Variants in UNC5B observed in about 807,000 individuals in gnomAD.
UNC5B encodes the protein netrin receptor UNC5B.
In UNC5B, 56 loss-of-function variants were observed where a neutral mutation model predicts 103.7. That is an observed-to-expected ratio of 0.54 (90% CI 0.44 to 0.67). The LOEUF (loss-of-function observed/expected upper bound fraction) is 0.67. Among genes scored for constraint, UNC5B ranks in the 30% least tolerant of loss-of-function variants. UNC5B has a pLI of 0.00. For missense variants in UNC5B, 1,194 were observed against 1,284.5 expected, an observed-to-expected ratio of 0.93 and a Z score of 1.08; for synonymous variants, 577 against 542.0, an observed-to-expected ratio of 1.06 and a Z score of -0.90.
At chr10:71,267,642 T>C (rs931332216) in intron 1 of UNC5B, among the ~76,000 whole-genome samples, 2 of 152,154 alleles carry the variant, frequency 1.3e-5, no homozygotes, top group African/African-American at 4.8e-5. Context: ...ACAGGCATGG[T>C]CAAGAGGAGG....
At chr10:71,226,975 C>G (rs1180656300) in intron 1 of UNC5B, among the ~76,000 whole-genome samples, 2 of 143,570 alleles carry the variant, frequency 1.4e-5, no homozygotes, top group African/African-American at 5.1e-5. Context: ...GAGTTGGAGA[C>G]CATTCTTCTT....
At chr10:71,273,397 C>T (rs1291140524) in intron 1 of UNC5B, among the ~76,000 whole-genome samples, 1 of 152,170 alleles carries the variant, frequency 6.6e-6, no homozygotes, top group African/African-American at 2.4e-5. Flanking sequence ...AGCCTGGGCC[C>T]AGGCTCAGAG....
chr10:71,259,445 C>A (rs1482930844), intron 1 of UNC5B, among the ~76,000 whole-genome samples: 1 of 152,028 alleles, frequency 6.6e-6, no homozygotes, highest in African/African-American at 2.4e-5. Flanking sequence ...ACTTGGGCAG[C>A]CCTTCATAGT....
intron 1 of UNC5B, among the ~76,000 whole-genome samples, chr10:71,278,961 C>T (rs1289785143): frequency 2.6e-5 from 4 of 152,240 alleles, no homozygotes. Flanking sequence ...TGGCGGTGGC[C>T]ACACCCCCCT....
At position 71,212,741 on chromosome 10, in the gene UNC5B, C is replaced by T. The variant is rs1485311438; in HGVS notation, c.-245C>T. The stretch of plus-strand genomic sequence containing the variant: ...GGAGCCAGGCGAGCGCTCAGAGACC[C>T]GGAGCCAGAGGGGCGCGCCGGAGCC... On this transcript the variant is annotated 5_prime_UTR_variant, in exon 1 of 17. Transcript: ENST00000335350. 1.5e-5 allele frequency: 5 copies of T among 341,604 alleles called. No individual in the cohort carries two copies. Among genetic ancestry groups the T allele is most frequent in the African/African-American group, 2.1e-5 (1 of 46,528 alleles). 21.2% of individuals were successfully genotyped at this position (341,604 alleles called of 1,614,324 possible). A position where few individuals can be genotyped will look rare whatever the true frequency, so the allele number is the denominator to read the frequency against.
chr10:71,267,874 A>G (rs1368384242), intron 1 of UNC5B, among the ~76,000 whole-genome samples: 1 of 152,224 alleles, frequency 6.6e-6, no homozygotes, highest in African/African-American at 2.4e-5. Flanking sequence ...AGAGGCAAAC[A>G]CAGGAACCAT....
At chr10:71,229,079 G>A (rs1251808431) in intron 1 of UNC5B, among the ~76,000 whole-genome samples, 1 of 152,176 alleles carries the variant, frequency 6.6e-6, no homozygotes, top group Non-Finnish European at 1.5e-5. Flanking sequence ...TGAGGGAATC[G>A]AACTTGGAGC....
intron 1 of UNC5B, among the ~76,000 whole-genome samples, chr10:71,214,941 G>C (rs575095732): frequency 4.6e-5 from 7 of 152,344 alleles, no homozygotes; most frequent in African/African-American, 1.7e-4. Flanking sequence ...CAGAAGCGGT[G>C]TTGGAATTGT....
chr10:71,227,375 G>T (rs1045951400), intron 1 of UNC5B, among the ~76,000 whole-genome samples: 1 of 151,842 alleles, frequency 6.6e-6, no homozygotes, highest in Non-Finnish European at 1.5e-5. Context: ...CTATGAGGAT[G>T]CAAAAGCATA....
At chr10:71,258,731 C>T (rs1040806331) in intron 1 of UNC5B, among the ~76,000 whole-genome samples, 1 of 152,252 alleles carries the variant, frequency 6.6e-6, no homozygotes, top group African/African-American at 2.4e-5. Context: ...GTGAGCTTGG[C>T]CAAGCTGGCA....
chr10:71,286,971 A>C, intron 5 of UNC5B, 102 bp downstream of exon 5: 1 of 1,456,382 alleles, frequency 6.9e-7, no homozygotes, highest in Non-Finnish European at 9.2e-7. Context: ...GATGCAGCCC[A>C]GAGAGGGGAA....
Position 71,213,012 on chromosome 10 carries a change from C to A in UNC5B, c.27C>A (p.Gly9=). The stretch of plus-strand genomic sequence containing the variant: ...TGGGGGCCCGGAGCGGAGCTCGGGG[C>A]GCGCTGCTGCTGGCACTGCTGCTCT... MGARSGAR[G]ALLLALLLCW... is the part of the protein sequence containing the mutation. Residue 9 remains glycine (G), a synonymous_variant, in exon 1 of 17, where the codon GGC becomes GGA. Transcript: ENST00000335350. The surrounding 1 kb of genome is among the most constrained non-coding windows in gnomAD (Gnocchi z 4.1). The A allele has an allele frequency of 7.1e-7, 1 of 1,413,940 alleles. No individual in the cohort carries two copies. The highest frequency in any genetic ancestry group is 2.5e-5 in the Admixed American group (1 of 40,116). The allele number at this position is 1,413,940 out of a possible 1,614,324, so 87.6% of individuals were successfully genotyped here. A position where few individuals can be genotyped will look rare whatever the true frequency, so the allele number is the denominator to read the frequency against.
intron 1 of UNC5B, among the ~76,000 whole-genome samples, chr10:71,266,428 C>T (rs1844524551): frequency 6.6e-6 from 1 of 152,234 alleles, no homozygotes; most frequent in Non-Finnish European, 1.5e-5. Context: ...CTCTGCTGCT[C>T]ACTCAGAGGA....
chr10:71,286,663 C>T (rs1564509465), intron 4 of UNC5B, 26 bp from the exon 5 acceptor site: 1 of 1,613,022 alleles, frequency 6.2e-7, no homozygotes, highest in South Asian at 1.1e-5. Flanking sequence ...TGGGCCCTCA[C>T]TGCCCCCTCA....
chr10:71,235,009 C>G (rs1403594654), intron 1 of UNC5B, among the ~76,000 whole-genome samples: 1 of 152,174 alleles, frequency 6.6e-6, no homozygotes, highest in Admixed American at 6.5e-5. Context: ...CTTCCCACCC[C>G]CAGCGCCCAG....
In UNC5B at chr10:71,299,292, C is replaced by T. The variant is rs540604985; in HGVS notation, c.*15C>T. 54 of 1,612,956 alleles carry T rather than the reference C, an allele frequency of 3.3e-5. No individual in the cohort carries two copies. The highest frequency in any genetic ancestry group is 5.5e-5 in the South Asian group (5 of 91,026). ...GGGACTGCTGAGCCTCCTGGGACAG[C>T]GGGCTGGCAGGGACTGGCAGGAGGC... On this transcript the variant is annotated 3_prime_UTR_variant, in exon 17 of 17. Coordinates refer to ENST00000335350, the MANE Select transcript of UNC5B (RefSeq NM_170744.5).
chr10:71,221,133 A>G lies in UNC5B; in HGVS notation c.79+8069A>G, dbSNP rs541871509. On this transcript the variant is annotated intron_variant, in intron 1 of 16. Coordinates refer to ENST00000335350, the MANE Select transcript of UNC5B (RefSeq NM_170744.5). ...TATTGACTGGAATGCCCTTGCACGC[A>G]TTATGCAGCCCTGGGTGTCTCTCTC... 8.2e-4 allele frequency among the ~76,000 whole-genome samples: 125 copies of G among 152,290 alleles called. 1 individual carries two copies. Among genetic ancestry groups the G allele is most frequent in the African/African-American group, 2.9e-3 (121 of 41,566 alleles).
chr10:71,236,507 G>C (rs1364232606), intron 1 of UNC5B, among the ~76,000 whole-genome samples: 1 of 152,218 alleles, frequency 6.6e-6, no homozygotes, highest in Non-Finnish European at 1.5e-5. Context: ...TATGAAGCCG[G>C]GGCAGGGAGG....
chr10:71,233,295 A>G (rs991425318), intron 1 of UNC5B, among the ~76,000 whole-genome samples: 2 of 152,128 alleles, frequency 1.3e-5, no homozygotes, highest in Non-Finnish European at 2.9e-5. Context: ...AGGTGGCCCC[A>G]TCCCGGGGTC....
Sources: gnomAD v4.1 joint callset for allele counts (sites outside exome capture counted in the v4.1 genomes callset) on GRCh38, gnomAD v4.1.1 for gene constraint, Gnocchi (gnomAD v3.1) non-coding constraint, MANE v1.5 for transcripts, NCBI Gene and HGNC (gene_info 2026-07-23, HGNC 2026-07-21) for gene names.